The following NUP93 variants were observed in gnomAD, a reference collection of about 807,000 sequenced individuals.
NUP93 encodes nuclear pore complex protein Nup93.
In NUP93, 55 loss-of-function variants were observed where a neutral mutation model predicts 107.8. That is an observed-to-expected ratio of 0.51 (90% CI 0.41 to 0.64). The LOEUF is 0.64. Among genes scored for constraint, NUP93 ranks in the 30% least tolerant of loss-of-function variants. NUP93 has a pLI of 0.00. For synonymous variants in NUP93, 390 were observed against 397.5 expected (o/e 0.98, Z 0.22); for missense variants, 937 against 1,044.7 (o/e 0.90, Z 1.42).
rs146279163 is a variant in NUP93, at chr16:56,776,443, G to A, written c.297+17788G>A. On this transcript the variant is annotated intron_variant, in intron 3 of 21. Coordinates refer to ENST00000308159, the MANE Select transcript of NUP93 (RefSeq NM_014669.5). The stretch of plus-strand genomic sequence containing the variant: ...TAATAGTAAAATTATGATGGACTCT[G>A]CTTTTAATAAGCAAATCCAAATCTG... 3.9e-5 allele frequency among the ~76,000 whole-genome samples: 6 copies of A among 152,286 alleles called. No homozygotes were observed. The East Asian group carries it at 1.2e-3, about 29-fold the overall frequency.
At chr16:56,778,074 T>A (rs1361159310) in intron 3 of NUP93, among the ~76,000 whole-genome samples, 2 of 152,136 alleles carry the variant, frequency 1.3e-5, no homozygotes, top group African/African-American at 4.8e-5. Flanking sequence ...TCCTGCAAGA[T>A]CAAACTGTCC....
At chr16:56,806,568 C>T (rs1963146145) in intron 5 of NUP93, among the ~76,000 whole-genome samples, 1 of 152,172 alleles carries the variant, frequency 6.6e-6, no homozygotes, top group Non-Finnish European at 1.5e-5. Context: ...GGAGCATCTA[C>T]TCACAAGGTC....
chr16:56,786,845 C>T (rs530594496), intron 3 of NUP93, among the ~76,000 whole-genome samples: 1 of 152,184 alleles, frequency 6.6e-6, no homozygotes, highest in African/African-American at 2.4e-5. Flanking sequence ...CCCTTCTCCT[C>T]CCAGTAAGGA....
At chr16:56,824,289 G>A (rs1430969274) in intron 8 of NUP93, among the ~76,000 whole-genome samples, 1 of 151,918 alleles carries the variant, frequency 6.6e-6, no homozygotes, top group Admixed American at 6.6e-5. Flanking sequence ...ACTCTACTTG[G>A]TTAATTCCCA....
intron 1 of NUP93, among the ~76,000 whole-genome samples, chr16:56,738,134 T>C (rs1186690373): frequency 6.6e-6 from 1 of 152,210 alleles, no homozygotes; most frequent in Admixed American, 6.5e-5. Context: ...CATCTCACAT[T>C]TGTAAATTCT....
Position 56,831,910 on chromosome 16 carries a change from C to T in NUP93, c.1154C>T (p.Pro385Leu), listed in dbSNP as rs1454824255. 3 of 1,614,012 alleles carry T rather than the reference C, an allele frequency of 1.9e-6. No individual in the cohort carries two copies. The highest frequency in any genetic ancestry group is 2.2e-5 in the South Asian group (2 of 91,078). Reference sequence around the variant, plus strand: ...AGGGCCCTCAGGAACAATACAGATCCCTACAAGCGGGCCGTGTACTGTATC... The same window carrying T: ...AGGGCCCTCAGGAACAATACAGATCTCTACAAGCGGGCCGTGTACTGTATC... ...YRRALRNNTD[P>L]YKRAVYCIIG... The change falls in exon 11 of 22, where the codon CCC (proline) becomes CTC (leucine). Residue 385 changes from proline to leucine, a missense_variant. Pro to Leu is a moderately conservative substitution (Grantham distance 98). Coordinates refer to ENST00000308159, the MANE Select transcript of NUP93 (RefSeq NM_014669.5).
At chr16:56,809,200 GC>G (rs1963258860) in intron 5 of NUP93, among the ~76,000 whole-genome samples, 3 of 152,128 alleles carry the variant, frequency 2.0e-5, no homozygotes, top group African/African-American at 7.2e-5. Flanking sequence ...GCCAGGGCTT[GC>G]CACACATTTA....
intron 1 of NUP93, among the ~76,000 whole-genome samples, chr16:56,733,637 A>G (rs1291918098): frequency 6.6e-6 from 1 of 152,146 alleles, no homozygotes; most frequent in Non-Finnish European, 1.5e-5. Context: ...CCCATGAGTC[A>G]TCCAGGTGTA....
intron 1 of NUP93, among the ~76,000 whole-genome samples, chr16:56,733,655 G>C (rs1417421313): frequency 1.3e-5 from 2 of 152,138 alleles, no homozygotes; most frequent in African/African-American, 4.8e-5. Flanking sequence ...GTAGGTATTA[G>C]GTGGACAGTT....
intron 3 of NUP93, among the ~76,000 whole-genome samples, chr16:56,775,359 C>T (rs1380317915): frequency 6.6e-6 from 1 of 152,150 alleles, no homozygotes; most frequent in Non-Finnish European, 1.5e-5. Context: ...TAATACTCAG[C>T]AATTTATAGG....
intron 4 of NUP93, among the ~76,000 whole-genome samples, chr16:56,804,737 C>T (rs996145070): frequency 6.6e-5 from 10 of 151,724 alleles, no homozygotes; most frequent in East Asian, 5.8e-4. Flanking sequence ...GGTGAAACCC[C>T]GTCTCTAGTA....
chr16:56,826,330 C>T (rs1027889976), intron 8 of NUP93, among the ~76,000 whole-genome samples: 1 of 151,956 alleles, frequency 6.6e-6, no homozygotes, highest in African/African-American at 2.4e-5. Flanking sequence ...TGGCCAACAT[C>T]GTGAAACCCC....
intron 3 of NUP93, among the ~76,000 whole-genome samples, chr16:56,777,038 G>T (rs62036973): frequency 6.6e-6 from 1 of 152,110 alleles, no homozygotes; most frequent in Non-Finnish European, 1.5e-5. Context: ...GTGTGTGCAC[G>T]CACGTGTGTG....
chr16:56,828,087 A>C (rs1963704972), intron 8 of NUP93, among the ~76,000 whole-genome samples: 1 of 151,642 alleles, frequency 6.6e-6, no homozygotes. Context: ...ATGCCACTGC[A>C]CTTCAGCCTG....
At chr16:56,827,003 G>A (rs1052557941) in intron 8 of NUP93, among the ~76,000 whole-genome samples, 50 of 125,558 alleles carry the variant, frequency 4.0e-4, no homozygotes, top group Middle Eastern at 8.5e-3. Context: ...CCGAGGTGGC[G>A]CCTCTGTACT....
chr16:56,800,967 A>G (rs1262361438), intron 4 of NUP93, among the ~76,000 whole-genome samples: 1 of 152,228 alleles, frequency 6.6e-6, no homozygotes, highest in African/African-American at 2.4e-5. Flanking sequence ...TCAAAGAGAA[A>G]TATTTTCCAC....
At chr16:56,787,030 C>G (rs1414637555) in intron 3 of NUP93, among the ~76,000 whole-genome samples, 6 of 152,212 alleles carry the variant, frequency 3.9e-5, no homozygotes, top group African/African-American at 1.4e-4. Flanking sequence ...TATTCCTCAG[C>G]TCTGACAGGG....
chr16:56,770,225 T>G (rs1371513247), intron 3 of NUP93, among the ~76,000 whole-genome samples: 1 of 152,184 alleles, frequency 6.6e-6, no homozygotes, highest in African/African-American at 2.4e-5. Flanking sequence ...TAGGTTTGCC[T>G]GGTTCCACTC....
chr16:56,837,961 G>A (rs773885133), intron 18 of NUP93, among the ~76,000 whole-genome samples: 7 of 152,184 alleles, frequency 4.6e-5, no homozygotes, highest in Admixed American at 4.6e-4. Context: ...GTATGAAAGG[G>A]CATCTCAGTA....
Sources: allele counts gnomAD v4.1 joint callset (sites outside exome capture counted in the v4.1 genomes callset), GRCh38; gene constraint gnomAD v4.1.1; transcripts MANE v1.5; gene names NCBI Gene and HGNC (gene_info 2026-07-23, HGNC 2026-07-21).